The following PLA2R1 variants were observed in gnomAD, a reference collection of about 807,000 sequenced individuals.
PLA2R1 encodes phospholipase A2 receptor 1, also known as secretory phospholipase A2 receptor.
PLA2R1 carries 158 observed loss-of-function variants against 195.9 expected under a neutral mutation model. The ratio of observed to expected loss-of-function variants is 0.81; its 90% CI spans 0.71 to 0.92. The LOEUF (loss-of-function observed/expected upper bound fraction) is 0.92. PLA2R1 is among the 40% of genes least tolerant of loss of function. The probability of loss-of-function intolerance (pLI) is 0.00; values close to 1 mark genes in which losing one functional copy is unlikely to be tolerated. For synonymous variants in PLA2R1, 586 were observed against 598.2 expected (o/e 0.98, Z 0.30); for missense variants, 1,626 against 1,764.6 (o/e 0.92, Z 1.41).
chr2:160,057,761 C>T (rs1413993720), intron 1 of PLA2R1, among the ~76,000 whole-genome samples: 1 of 152,196 alleles, frequency 6.6e-6, no homozygotes, highest in Non-Finnish European at 1.5e-5. Flanking sequence ...TTTACCTCCC[C>T]AATCTGGAGG....
chr2:160,054,974 G>A (rs899190774), intron 1 of PLA2R1, among the ~76,000 whole-genome samples: 6 of 152,134 alleles, frequency 3.9e-5, no homozygotes, highest in East Asian at 1.9e-4. Context: ...CAAGGGGACC[G>A]TTTCTTCAGA....
intron 20 of PLA2R1, among the ~76,000 whole-genome samples, chr2:159,965,327 C>A (rs1553836637): frequency 1.3e-5 from 2 of 152,194 alleles, no homozygotes; most frequent in African/African-American, 4.8e-5. Flanking sequence ...CAACACCTGG[C>A]AACCACTGAT....
intron 11 of PLA2R1, among the ~76,000 whole-genome samples, chr2:159,994,845 T>C (rs1305546721): frequency 6.6e-6 from 1 of 151,952 alleles, no homozygotes; most frequent in African/African-American, 2.4e-5. Context: ...GCTAGTGAAA[T>C]GCGTGACAGG....
chr2:159,994,090 T>G (rs1691038279), intron 11 of PLA2R1, among the ~76,000 whole-genome samples: 1 of 151,134 alleles, frequency 6.6e-6, no homozygotes. Flanking sequence ...GAAAAAAAAA[T>G]GGGACATTAT....
intron 1 of PLA2R1, among the ~76,000 whole-genome samples, chr2:160,055,594 A>G (rs948434728): frequency 1.3e-5 from 2 of 152,218 alleles, no homozygotes; most frequent in African/African-American, 4.8e-5. Context: ...AGCAGGATAC[A>G]GAATGAACCA....
chr2:159,953,321 T>A (rs1001269704), intron 23 of PLA2R1, among the ~76,000 whole-genome samples: 2 of 152,246 alleles, frequency 1.3e-5, no homozygotes, highest in African/African-American at 4.8e-5. Context: ...TTTCTTAATT[T>A]TTTTGGCAGA....
chr2:159,972,596 TGGA>T (rs1167099862), intron 17 of PLA2R1, among the ~76,000 whole-genome samples: 2 of 152,294 alleles, frequency 1.3e-5, no homozygotes, highest in South Asian at 4.2e-4. Flanking sequence ...AATGATATTT[TGGA>T]GGAGGACTAA....
chr2:159,930,124 G>A (rs1328615976), downstream of PLA2R1, among the ~76,000 whole-genome samples: 3 of 152,108 alleles, frequency 2.0e-5, no homozygotes, highest in Non-Finnish European at 4.4e-5. Flanking sequence ...ACTACACATT[G>A]GTGGCCAGGC....
chr2:160,018,098 A>G (rs1377638811), intron 8 of PLA2R1, among the ~76,000 whole-genome samples: 1 of 152,200 alleles, frequency 6.6e-6, no homozygotes, highest in East Asian at 1.9e-4. Context: ...TAATTTTTAC[A>G]CATCTACTAT....
Position 159,980,002 on chromosome 2 carries a change from G to T in PLA2R1, c.2184-88C>A, listed in dbSNP as rs1689837815. 13 of 690,196 alleles carry T rather than the reference G, an allele frequency of 1.9e-5. No individual in the cohort carries two copies. The South Asian group carries it at 2.3e-4, about 12-fold the overall frequency. 42.8% of individuals were successfully genotyped at this position (690,196 alleles called of 1,614,324 possible). On this transcript the variant is annotated intron_variant, in intron 13 of 29. Transcript: ENST00000283243. ...TTCAAAAAATACCAGCATGGCACAT[G>T]TATACACATGTAACTAACCTGCATA... is the stretch of plus-strand genomic sequence containing the variant.
intron 13 of PLA2R1, among the ~76,000 whole-genome samples, chr2:159,982,165 A>G (rs755509229): frequency 6.6e-6 from 1 of 152,238 alleles, no homozygotes; most frequent in Non-Finnish European, 1.5e-5. Flanking sequence ...GAATATGCAA[A>G]TATGTTTTAA....
chr2:159,993,218 T>C (rs1690956036), intron 11 of PLA2R1, among the ~76,000 whole-genome samples: 1 of 152,124 alleles, frequency 6.6e-6, no homozygotes, highest in Non-Finnish European at 1.5e-5. Flanking sequence ...ATAATTAGTA[T>C]GGATGAAAAC....
intron 20 of PLA2R1, among the ~76,000 whole-genome samples, chr2:159,957,074 G>T (rs1011913253): frequency 1.3e-5 from 2 of 152,126 alleles, no homozygotes; most frequent in African/African-American, 2.4e-5. Context: ...GAGAAATAAT[G>T]GGGAGTCAAA....
chr2:159,949,242 G>A (rs979174806), intron 25 of PLA2R1, among the ~76,000 whole-genome samples: 3 of 151,728 alleles, frequency 2.0e-5, no homozygotes, highest in Non-Finnish European at 2.9e-5. Flanking sequence ...CGTAAGCCTC[G>A]TCCTGTCTTC....
Position 159,936,533 on chromosome 2 carries a change from T to C in PLA2R1, c.*5245A>G, listed in dbSNP as rs1686843488. 1 of 152,252 alleles carries C rather than the reference T, an allele frequency of 6.6e-6. No individual in the cohort carries two copies. The highest frequency in any genetic ancestry group is 2.4e-5 in the African/African-American group (1 of 41,478). The allele number at this position is 152,252 out of a possible 1,614,324, so 9.4% of individuals were successfully genotyped here. ...GTTCTCTCTCTTCTTTTTTTGTAGC[T>C]ATACATGTTGAGAAACTCTGGTAGC... On this transcript the variant is annotated 3_prime_UTR_variant, in exon 30 of 30. Coordinates refer to ENST00000283243, the MANE Select transcript of PLA2R1 (RefSeq NM_007366.5).
chr2:159,935,687 G>A lies in PLA2R1; in HGVS notation c.*6091C>T, dbSNP rs2125905146. The stretch of plus-strand genomic sequence containing the variant: ...TTTCATCTTGTATTTTCCTGCCTTA[G>A]ACCTGCAATCAACCACTTTCTCAAG... On this transcript the variant is annotated 3_prime_UTR_variant, in exon 30 of 30. Coordinates refer to ENST00000283243, the MANE Select transcript of PLA2R1 (RefSeq NM_007366.5). 6.6e-6 allele frequency: 1 copy of A among 152,194 alleles called. No homozygotes were observed. The highest frequency in any genetic ancestry group is 2.4e-5 in the African/African-American group (1 of 41,514). The allele number at this position is 152,194 out of a possible 1,614,324, so 9.4% of individuals were successfully genotyped here. A position where few individuals can be genotyped will look rare whatever the true frequency, so the allele number is the denominator to read the frequency against.
chr2:160,026,321 A>G (rs1021478976), intron 6 of PLA2R1, among the ~76,000 whole-genome samples: 3 of 152,228 alleles, frequency 2.0e-5, no homozygotes, highest in Non-Finnish European at 4.4e-5. Flanking sequence ...ATGGAATACA[A>G]TTTAAATGGT....
At chr2:160,048,412 T>A (rs1695016717) in intron 1 of PLA2R1, among the ~76,000 whole-genome samples, 1 of 152,206 alleles carries the variant, frequency 6.6e-6, no homozygotes, top group South Asian at 2.1e-4. Flanking sequence ...ATATACTAAG[T>A]TAAAAAATGA....
At chr2:160,015,437 G>T (rs532796903) in intron 9 of PLA2R1, among the ~76,000 whole-genome samples, 43 of 152,162 alleles carry the variant, frequency 2.8e-4, no homozygotes, top group Non-Finnish European at 4.0e-4. Flanking sequence ...TAGAGAATTG[G>T]CTATGAACTC....
Sources: gnomAD v4.1 joint callset for allele counts (sites outside exome capture counted in the v4.1 genomes callset) on GRCh38, gnomAD v4.1.1 for gene constraint, MANE v1.5 for transcripts, NCBI Gene and HGNC (gene_info 2026-07-23, HGNC 2026-07-21) for gene names.